The following ATP2A2 variants were observed in gnomAD, a reference collection of about 807,000 sequenced individuals.
ATP2A2 encodes the protein ATPase sarcoplasmic/endoplasmic reticulum Ca2+ transporting 2.
Under a neutral mutation model 109.3 loss-of-function variants are expected in ATP2A2, and 14 were observed. The observed-to-expected ratio is 0.13, with a 90% CI of 0.08 to 0.20. The LOEUF (loss-of-function observed/expected upper bound fraction) is 0.20, where lower values mean the gene tolerates loss of function less well. ATP2A2 is among the 10% of genes least tolerant of loss of function. ATP2A2 has a pLI of 1.00. For synonymous variants in ATP2A2, 506 were observed against 490.9 expected (o/e 1.03, Z -0.41); for missense variants, 657 against 1,321.6 (o/e 0.50, Z 7.80).
chr12:110,309,935 C>T (rs1875831354), intron 5 of ATP2A2, among the ~76,000 whole-genome samples: 1 of 151,610 alleles, frequency 6.6e-6, no homozygotes, highest in African/African-American at 2.4e-5. Flanking sequence ...GAAAGTGACC[C>T]ACATGTTCAC....
At chr12:110,312,764 C>T (rs1053676507) in intron 5 of ATP2A2, among the ~76,000 whole-genome samples, 19 of 150,370 alleles carry the variant, frequency 1.3e-4, no homozygotes, top group African/African-American at 3.4e-4. Flanking sequence ...GCACGAGAAT[C>T]GCCTAAACCC....
intron 5 of ATP2A2, among the ~76,000 whole-genome samples, chr12:110,321,218 ACT>A (rs1355976195): frequency 2.0e-5 from 3 of 152,134 alleles, no homozygotes; most frequent in Non-Finnish European, 4.4e-5. Flanking sequence ...ATAGAGCAAG[ACT>A]CTGTCTCTGA....
chr12:110,343,807 A>T (rs933696370), intron 16 of ATP2A2, among the ~76,000 whole-genome samples: 2 of 152,210 alleles, frequency 1.3e-5, no homozygotes, highest in Non-Finnish European at 2.9e-5. Context: ...CCCTGTTTCC[A>T]TAAGAGAAGG....
chr12:110,316,009 C>T (rs1044917889), intron 5 of ATP2A2, among the ~76,000 whole-genome samples: 2 of 152,164 alleles, frequency 1.3e-5, no homozygotes, highest in Non-Finnish European at 2.9e-5. Context: ...ATCGCCTGAA[C>T]CTGGGAGGTG....
upstream of ATP2A2, chr12:110,281,003 C>G (rs1388689788): frequency 2.6e-5 from 4 of 152,128 alleles, no homozygotes; most frequent in South Asian, 4.1e-4. Flanking sequence ...GAAGAGGGTA[C>G]CCAGCTTCCC....
At position 110,281,467 on chromosome 12, in the gene ATP2A2, G is replaced by A. The variant is rs1186996161; in HGVS notation, c.-323G>A. Reference sequence around the variant, plus strand: ...CCTCTGATCGCCTCAAGAGAGCGGGGAGGGGGCTCGGGGGCCGCGGCCTGC... The same window carrying A: ...CCTCTGATCGCCTCAAGAGAGCGGGAAGGGGGCTCGGGGGCCGCGGCCTGC... On this transcript the variant is annotated 5_prime_UTR_variant, in exon 1 of 20. Coordinates refer to ENST00000539276, the MANE Select transcript of ATP2A2 (RefSeq NM_170665.4). 1 of 166,598 alleles carries A rather than the reference G, an allele frequency of 6.0e-6. No individual in the cohort carries two copies. The highest frequency in any genetic ancestry group is 2.4e-5 in the African/African-American group (1 of 41,734). 10.3% of individuals were successfully genotyped at this position (166,598 alleles called of 1,614,324 possible). A position where few individuals can be genotyped will look rare whatever the true frequency, so the allele number is the denominator to read the frequency against.
chr12:110,324,763 T>C (rs1877601873), intron 6 of ATP2A2, among the ~76,000 whole-genome samples: 1 of 151,808 alleles, frequency 6.6e-6, no homozygotes, highest in Non-Finnish European at 1.5e-5. Flanking sequence ...TTTGGGAGGC[T>C]GCGGCAGTAG....
intron 10 of ATP2A2, 42 bp from the exon 11 acceptor site, chr12:110,333,970 C>T (rs763189008): frequency 1.9e-6 from 3 of 1,613,470 alleles, no homozygotes; most frequent in Non-Finnish European, 2.5e-6. Flanking sequence ...TATCTGTGTA[C>T]TTCTCCCTTT....
intron 5 of ATP2A2, among the ~76,000 whole-genome samples, chr12:110,315,200 A>C (rs919771443): frequency 1.3e-5 from 2 of 152,140 alleles, no homozygotes; most frequent in Non-Finnish European, 2.9e-5. Context: ...CTGTTGAAAG[A>C]GGGGAAGAAG....
Position 110,350,215 on chromosome 12 carries a change from T to C in ATP2A2, c.*3745T>C. On this transcript the variant is annotated 3_prime_UTR_variant, in exon 20 of 20. Coordinates refer to ENST00000539276, the MANE Select transcript of ATP2A2 (RefSeq NM_170665.4). Reference sequence around the variant, plus strand: ...CCTTTTCATCTGTCGCTGTTGATCTTCATCTATTTAAATAGGTATTCTAAC... The same window carrying C: ...CCTTTTCATCTGTCGCTGTTGATCTCCATCTATTTAAATAGGTATTCTAAC... The C allele has an allele frequency of 6.2e-7, 1 of 1,613,860 alleles. No individual in the cohort carries two copies. The highest frequency in any genetic ancestry group is 8.5e-7 in the Non-Finnish European group (1 of 1,179,940).
intron 3 of ATP2A2, among the ~76,000 whole-genome samples, chr12:110,286,109 A>C (rs1872638384): frequency 6.6e-6 from 1 of 151,884 alleles, no homozygotes; most frequent in Non-Finnish European, 1.5e-5. Flanking sequence ...TTTTTAGTAG[A>C]GATGGGGTTT....
At chr12:110,334,960 G>A (rs1878701877) in intron 11 of ATP2A2, among the ~76,000 whole-genome samples, 1 of 149,032 alleles carries the variant, frequency 6.7e-6, no homozygotes, top group South Asian at 2.1e-4. Context: ...TGATGGTGGT[G>A]GCAGTGGCAG....
chr12:110,326,950 G>C (rs900091632), intron 7 of ATP2A2, among the ~76,000 whole-genome samples: 3 of 152,148 alleles, frequency 2.0e-5, no homozygotes, highest in African/African-American at 7.2e-5. Context: ...AAAATTCTTT[G>C]AATAGTGAGG....
rs1872275152 is a variant in ATP2A2, at chr12:110,282,777, G to A, written c.201G>A (p.Leu67=). 2 of 1,613,448 alleles carry A rather than the reference G, an allele frequency of 1.2e-6. No individual in the cohort carries two copies. The highest frequency in any genetic ancestry group is 1.1e-5 in the South Asian group (1 of 91,056). ...FEDLLVRILL[L]AACISFVLAW... ...ACTTGCTAGTTAGGATTTTATTACT[G>A]GCAGCATGTATATCTTTTGTAAGTA... Residue 67 remains leucine, a synonymous_variant, in exon 3 of 20, where the codon CTG becomes CTA. Coordinates refer to ENST00000539276, the MANE Select transcript of ATP2A2 (RefSeq NM_170665.4).
chr12:110,288,443 C>T (rs1482944606), intron 3 of ATP2A2, among the ~76,000 whole-genome samples: 2 of 150,916 alleles, frequency 1.3e-5, no homozygotes, highest in African/African-American at 4.9e-5. Flanking sequence ...TTGCTCTTGT[C>T]AGCCAGGCTG....
At position 110,281,653 on chromosome 12, in the gene ATP2A2, A is replaced by G; in HGVS notation, c.-137A>G. 1 of 471,648 alleles carries G rather than the reference A, an allele frequency of 2.1e-6. No individual in the cohort carries two copies. Among genetic ancestry groups the G allele is most frequent in the Non-Finnish European group, 3.5e-6 (1 of 282,450 alleles). The allele number at this position is 471,648 out of a possible 1,614,324, so 29.2% of individuals were successfully genotyped here. ...GGTGATTCAGCGCCCGGCGAGGCGG[A>G]AGCGGCCGCAAGAGGAGGAGGGGAG... On this transcript the variant is annotated 5_prime_UTR_variant, in exon 1 of 20. Transcript: ENST00000539276.
chr12:110,300,253 T>C (rs1240506614), intron 5 of ATP2A2, among the ~76,000 whole-genome samples: 2 of 145,060 alleles, frequency 1.4e-5, no homozygotes, highest in Non-Finnish European at 3.0e-5. Context: ...AGTGGAGTAG[T>C]GTGATCACTG....
intron 14 of ATP2A2, among the ~76,000 whole-genome samples, chr12:110,341,716 T>C (rs1456838534): frequency 1.3e-5 from 2 of 151,966 alleles, no homozygotes; most frequent in Non-Finnish European, 2.9e-5. Context: ...GTACTAAAAA[T>C]ACAAAAAATT....
chr12:110,343,166 T>A (rs1197490606), intron 15 of ATP2A2, 66 bp from the exon 16 acceptor site: 1 of 1,529,036 alleles, frequency 6.5e-7, no homozygotes, highest in African/African-American at 1.4e-5. Context: ...GGGTTGATGA[T>A]GCTCTTTAAA....
Sources: gnomAD v4.1 joint callset for allele counts (sites outside exome capture counted in the v4.1 genomes callset) on GRCh38, gnomAD v4.1.1 for gene constraint, MANE v1.5 for transcripts, NCBI Gene and HGNC (gene_info 2026-07-23, HGNC 2026-07-21) for gene names.